The following GAK variants were observed in gnomAD, a reference collection of about 807,000 sequenced individuals.
GAK encodes the protein cyclin-G-associated kinase.
In GAK, 79 loss-of-function variants were observed where a neutral mutation model predicts 143.9. The ratio of observed to expected loss-of-function variants is 0.55; its 90% CI spans 0.46 to 0.66. GAK has a LOEUF of 0.66. Ranked by LOEUF, GAK falls within the 30% of genes least tolerant of loss-of-function variation. The pLI is 0.00. For missense variants in GAK, 1,693 were observed against 1,779.7 expected (o/e 0.95, Z 0.88); for synonymous variants, 881 against 765.5 (o/e 1.15, Z -2.49).
intron 1 of GAK, among the ~76,000 whole-genome samples, chr4:925,229 G>A (rs1181963597): frequency 1.3e-5 from 2 of 152,176 alleles, no homozygotes; most frequent in Non-Finnish European, 2.9e-5. Context: ...CAAACCCCCA[G>A]GGGACACTCT....
chr4:924,404 G>A (rs1034504085), intron 1 of GAK, among the ~76,000 whole-genome samples: 8 of 152,092 alleles, frequency 5.3e-5, no homozygotes, highest in Non-Finnish European at 7.3e-5. Flanking sequence ...TTCATGTGAA[G>A]TTCAACCTAA....
chr4:909,787 C>T (rs551558371), intron 4 of GAK, among the ~76,000 whole-genome samples: 4 of 152,218 alleles, frequency 2.6e-5, no homozygotes, highest in East Asian at 1.9e-4. Flanking sequence ...GGACAATGGA[C>T]GCCCCTTGTG....
Position 851,741 on chromosome 4 carries a change from GGGACTCACCAAAGCTGGGTGCGC to G in GAK, c.3494_3508+8del, listed in dbSNP as rs1748177557. On this transcript the variant is annotated splice_donor_variant and splice_donor_5th_base_variant and coding_sequence_variant and intron_variant, in exon 25 of 28. Transcript: ENST00000314167. LOFTEE classifies it high-confidence loss of function. ...CAAACTCCACAGCAACAGAGAGTGG[GGGACTCACCAAAGCTGGGTGCGC>G]GGACCCCCCGCTCCTCCCGCGCCCC... The G allele has an allele frequency of 6.2e-7, 1 of 1,611,694 alleles. No homozygotes were observed. The highest frequency in any genetic ancestry group is 8.5e-7 in the Non-Finnish European group (1 of 1,178,928).
At chr4:873,490 AC>A (rs1713149235) in intron 18 of GAK, among the ~76,000 whole-genome samples, 1 of 113,148 alleles carries the variant, frequency 8.8e-6, no homozygotes, top group Admixed American at 8.1e-5. Flanking sequence ...AGTTGGTTAA[AC>A]CTTGTAAAAA....
intron 23 of GAK, among the ~76,000 whole-genome samples, chr4:864,816 G>A (rs922947059): frequency 6.6e-6 from 1 of 152,214 alleles, no homozygotes; most frequent in Non-Finnish European, 1.5e-5. Flanking sequence ...GCATGAAATC[G>A]CATCACAGAC....
intron 18 of GAK, among the ~76,000 whole-genome samples, chr4:873,207 G>C (rs1713085981): frequency 6.6e-6 from 1 of 152,194 alleles, no homozygotes; most frequent in Non-Finnish European, 1.5e-5. Context: ...CCCTGCTTCA[G>C]ATGCACCCCA....
Position 893,857 on chromosome 4 carries a change from A to G in GAK, c.877+17T>C, listed in dbSNP as rs1209593766. 6 of 1,565,266 alleles carry G rather than the reference A, an allele frequency of 3.8e-6. No individual in the cohort carries two copies. In the East Asian group the frequency reaches 1.1e-4, roughly 30 times the overall value. Reference sequence around the variant, plus strand: ...CTCCAGGGTCCTGCCCCACGCACGCATTCCACCGGGACTTACGGATGAGGC... The same window carrying G: ...CTCCAGGGTCCTGCCCCACGCACGCGTTCCACCGGGACTTACGGATGAGGC... On this transcript the variant is annotated intron_variant, in intron 8 of 27. Transcript: ENST00000314167.
At chr4:920,679 G>A (rs998531854) in intron 1 of GAK, among the ~76,000 whole-genome samples, 10 of 151,590 alleles carry the variant, frequency 6.6e-5, no homozygotes, top group Non-Finnish European at 1.2e-4. Flanking sequence ...AAGTAGCTGG[G>A]ACTACAGGCG....
chr4:856,487 G>A (rs1749254229), intron 24 of GAK, among the ~76,000 whole-genome samples: 1 of 135,396 alleles, frequency 7.4e-6, no homozygotes, highest in African/African-American at 2.8e-5. Flanking sequence ...CACCACAGCT[G>A]CTCACACCTA....
At chr4:911,577 C>T (rs957716936) in intron 4 of GAK, 96 bp downstream of exon 4, 22 of 808,544 alleles carry the variant, frequency 2.7e-5, no homozygotes, top group Admixed American at 4.2e-5. Flanking sequence ...AGAGAAGATG[C>T]CGGGCATGTT....
chr4:916,461 C>A (rs1560433486), intron 1 of GAK, among the ~76,000 whole-genome samples: 2 of 152,124 alleles, frequency 1.3e-5, no homozygotes, highest in Non-Finnish European at 2.9e-5. Context: ...CGCCAAGTTG[C>A]CCAGGCGGGT....
At chr4:849,833 G>GGGGGGGGGCCCCCC in intron 27 of GAK, 59 bp from the exon 28 acceptor site, 2 of 1,190,148 alleles carry the variant, frequency 1.7e-6, no homozygotes, top group Non-Finnish European at 2.3e-6. Flanking sequence ...GGCGGGGCAG[G>GGGGGGGGGCCCCCC]ACCCCCCCCC....
Position 859,742 on chromosome 4 carries a change from C to A in GAK, c.3167-20G>T. 1 of 1,533,732 alleles carries A rather than the reference C, an allele frequency of 6.5e-7. No homozygotes were observed. The highest frequency in any genetic ancestry group is 8.9e-7 in the Non-Finnish European group (1 of 1,119,706). ...GGGGGCCTGGAGAAGGGGCACAGGGCATTAGAACAAGCACCATCTGAAGCG... is the reference window on the plus strand; with the variant it reads ...GGGGGCCTGGAGAAGGGGCACAGGGAATTAGAACAAGCACCATCTGAAGCG... On this transcript the variant is annotated intron_variant, in intron 23 of 27. Transcript: ENST00000314167.
At chr4:926,200 T>C (rs1202877115) in intron 1 of GAK, among the ~76,000 whole-genome samples, 1 of 151,574 alleles carries the variant, frequency 6.6e-6, no homozygotes, top group African/African-American at 2.4e-5. Context: ...AGCCCACCCA[T>C]GGGGTCCTCC....
chr4:852,009 T>C (rs986694971), intron 24 of GAK, 35 bp from the exon 25 acceptor site: 2 of 1,566,330 alleles, frequency 1.3e-6, no homozygotes, highest in African/African-American at 2.7e-5. Flanking sequence ...CGGCATCTGG[T>C]TGTCCATGAG....
intron 10 of GAK, among the ~76,000 whole-genome samples, chr4:889,720 C>T (rs1465069939): frequency 3.3e-5 from 5 of 152,204 alleles, no homozygotes; most frequent in African/African-American, 1.2e-4. Context: ...GGGGCGAGGT[C>T]GGGAGGGGTC....
At chr4:890,007 C>T (rs771801254) in intron 10 of GAK, among the ~76,000 whole-genome samples, 1 of 152,226 alleles carries the variant, frequency 6.6e-6, no homozygotes, top group Non-Finnish European at 1.5e-5. Flanking sequence ...TGCTCCTGCC[C>T]CCTGGCCTCA....
At chr4:891,550 G>A (rs1366903831) in intron 9 of GAK, among the ~76,000 whole-genome samples, 6 of 152,212 alleles carry the variant, frequency 3.9e-5, no homozygotes, top group African/African-American at 9.6e-5. Flanking sequence ...GGGGTCTAAC[G>A]TCTGTCCCCA....
In GAK at chr4:877,598, G is replaced by A. The variant is rs752917235; in HGVS notation, c.1856+17C>T. Reference sequence around the variant, plus strand: ...TGAGGAGGAGGGAGCACAGCGTGGGGCTGCAGCTGCACTCACCGCATCTTG... The same window carrying A: ...TGAGGAGGAGGGAGCACAGCGTGGGACTGCAGCTGCACTCACCGCATCTTG... On this transcript the variant is annotated intron_variant, in intron 16 of 27. Transcript: ENST00000314167. 4 of 1,557,738 alleles carry A rather than the reference G, an allele frequency of 2.6e-6. No individual in the cohort carries two copies. The highest frequency in any genetic ancestry group is 3.5e-6 in the Non-Finnish European group (4 of 1,148,388).
Sources: allele counts gnomAD v4.1 joint callset (sites outside exome capture counted in the v4.1 genomes callset), GRCh38; gene constraint gnomAD v4.1.1; transcripts MANE v1.5; gene names NCBI Gene and HGNC (gene_info 2026-07-23, HGNC 2026-07-21).